PCDH15: variants seen among roughly 807,000 people sequenced by gnomAD.
PCDH15 encodes the protein protocadherin-15.
PCDH15 carries 129 observed loss-of-function variants against 178.5 expected under a neutral mutation model. That is an observed-to-expected ratio of 0.72 (90% CI 0.63 to 0.84). PCDH15 has a LOEUF of 0.84. PCDH15 is among the 40% of genes least tolerant of loss of function. PCDH15 has a pLI of 0.00. For missense variants in PCDH15, 2,230 were observed against 2,099.9 expected, an observed-to-expected ratio of 1.06 and a Z score of -1.21; for synonymous variants, 800 against 732.0, an observed-to-expected ratio of 1.09 and a Z score of -1.50.
At chr10:55,082,685 A>T (rs2132027298) in intron 2 of PCDH15, among the ~76,000 whole-genome samples, 1 of 151,848 alleles carries the variant, frequency 6.6e-6, no homozygotes, top group Admixed American at 6.6e-5. Flanking sequence ...AAAAGAGAGA[A>T]GACTCAAATA....
chr10:55,545,117 G>T (rs1841849680), intron 2 of PCDH15, among the ~76,000 whole-genome samples: 1 of 152,078 alleles, frequency 6.6e-6, no homozygotes, highest in African/African-American at 2.4e-5. Flanking sequence ...GGGGTCCAAG[G>T]AATCAAATGA....
chr10:54,714,916 T>C (rs980720378), intron 1 of PCDH15, among the ~76,000 whole-genome samples: 10 of 152,180 alleles, frequency 6.6e-5, no homozygotes, highest in Non-Finnish European at 1.3e-4. Context: ...TTTAACATCA[T>C]GTTGTGTGGT....
chr10:55,068,082 T>C (rs755124406), intron 2 of PCDH15, among the ~76,000 whole-genome samples: 1 of 152,132 alleles, frequency 6.6e-6, no homozygotes, highest in South Asian at 2.1e-4. Flanking sequence ...ATCTTTTTAC[T>C]GTAATGTAGT....
chr10:54,060,075 C>T (rs2093982020), intron 18 of PCDH15, among the ~76,000 whole-genome samples: 2 of 152,180 alleles, frequency 1.3e-5, no homozygotes. Context: ...AAATATCTTT[C>T]ATTTCCTTTA....
At chr10:54,136,397 CA>C (rs1364418342) in intron 14 of PCDH15, among the ~76,000 whole-genome samples, 8 of 135,420 alleles carry the variant, frequency 5.9e-5, no homozygotes, top group African/African-American at 2.2e-4. Context: ...CACTGTTTAA[CA>C]TTTTTTTTTT....
At chr10:55,431,710 T>G (rs749017248) in intron 2 of PCDH15, among the ~76,000 whole-genome samples, 3 of 152,188 alleles carry the variant, frequency 2.0e-5, no homozygotes. Flanking sequence ...GTTCATGTGT[T>G]TTCCAAAATT....
Position 54,020,362 on chromosome 10 carries a change from C to T in PCDH15, c.2581G>A (p.Val861Met), listed in dbSNP as rs142512524. ...GGATGTAGTGCAAAAAAGTGCTTCA[C>T]TTCTGGGCTTCTTATCCGGTAAGAC... ...NVSYRIRSPE[V>M]KHFFALHPFT... The change falls in exon 20 of 38, where the codon GTG (valine) becomes ATG (methionine). Residue 861 changes from valine to methionine, a missense_variant. By Grantham distance (21) the Val-to-Met change is conservative (BLOSUM62 1). Coordinates refer to ENST00000644397, the MANE Select transcript of PCDH15 (RefSeq NM_001384140.1). 1,386 of 1,613,858 alleles carry T rather than the reference C, an allele frequency of 8.6e-4. 2 individuals are homozygous for T. The highest frequency in any genetic ancestry group is 1.3e-3 in the Admixed American group (78 of 59,978).
intron 10 of PCDH15, 88 bp from the exon 11 acceptor site, chr10:54,195,977 C>A (rs2049587391): frequency 6.3e-6 from 7 of 1,114,758 alleles, no homozygotes; most frequent in Middle Eastern, 2.6e-4. Context: ...ATATAGGGTT[C>A]TCTTTTTAAC....
At chr10:55,179,779 G>A (rs577123988) in intron 1 of PCDH15, among the ~76,000 whole-genome samples, 21 of 151,892 alleles carry the variant, frequency 1.4e-4, no homozygotes, top group Non-Finnish European at 2.1e-4. Flanking sequence ...TTGCTGATCT[G>A]CAGGTGGCAG....
chr10:53,892,750 G>A (rs908358443), intron 26 of PCDH15, among the ~76,000 whole-genome samples: 5 of 152,044 alleles, frequency 3.3e-5, no homozygotes, highest in African/African-American at 1.2e-4. Flanking sequence ...TATTTGAAAC[G>A]GAATATCAAG....
At chr10:55,159,157 A>G (rs1047197367) in intron 2 of PCDH15, among the ~76,000 whole-genome samples, 2 of 151,892 alleles carry the variant, frequency 1.3e-5, no homozygotes, top group African/African-American at 4.8e-5. Context: ...CAAAGTCCTT[A>G]AAAGTTTTAC....
chr10:54,986,765 G>T (rs972322776), intron 2 of PCDH15, among the ~76,000 whole-genome samples: 1 of 152,002 alleles, frequency 6.6e-6, no homozygotes, highest in African/African-American at 2.4e-5. Context: ...CCTGTGTAAT[G>T]CATCATATTT....
chr10:54,570,831 T>TTTTC lies in PCDH15; in HGVS notation c.92-42955_92-42954insGAAA, dbSNP rs1289360301. ...CACGCCTGGCTATTTTTTTTTTTCT[T>TTTTC]TTTTTTTTGTATTTTTAGTAGAGAC... is the stretch of plus-strand genomic sequence containing the variant. On this transcript the variant is annotated intron_variant, in intron 2 of 37. Transcript: ENST00000644397. Among the ~76,000 whole-genome samples, 6 of 150,488 alleles carry TTTTC rather than the reference T, an allele frequency of 4.0e-5. No homozygotes were observed. In the South Asian group the frequency reaches 1.1e-3, roughly 26 times the overall value.
intron 2 of PCDH15, among the ~76,000 whole-genome samples, chr10:54,554,615 T>C (rs186651122): frequency 8.4e-4 from 128 of 152,168 alleles, no homozygotes; most frequent in African/African-American, 3.0e-3. Flanking sequence ...TCCATCTCAT[T>C]ATAAAAAGAG....
At chr10:55,307,630 C>G (rs149162709) in intron 1 of PCDH15, among the ~76,000 whole-genome samples, 17 of 151,478 alleles carry the variant, frequency 1.1e-4, no homozygotes, top group African/African-American at 3.9e-4. Flanking sequence ...CTCTCTCTGC[C>G]TCTCTATTTT....
At chr10:54,640,871 A>G (rs529028472) in intron 2 of PCDH15, among the ~76,000 whole-genome samples, 1 of 152,266 alleles carries the variant, frequency 6.6e-6, no homozygotes, top group African/African-American at 2.4e-5. Context: ...TGGGAGGCTG[A>G]GGTAGGTGGA....
At chr10:55,178,864 C>A (rs901340168) in intron 1 of PCDH15, among the ~76,000 whole-genome samples, 2 of 152,098 alleles carry the variant, frequency 1.3e-5, no homozygotes, top group African/African-American at 4.8e-5. Flanking sequence ...ATTATCTACT[C>A]CCCTAAACAG....
rs113874298 is a variant in PCDH15, at chr10:53,938,992, T to C, written c.3233-37A>G. 4.9e-4 allele frequency: 788 copies of C among 1,599,814 alleles called. No individual in the cohort carries two copies. The African/African-American group carries it at 9.1e-3, about 18-fold the overall frequency. ...AATACAATTACCTGGTCATTGTCTTTACGCTATAAGGAAAGAAATTCTCTT... is the reference window on the plus strand; with the variant it reads ...AATACAATTACCTGGTCATTGTCTTCACGCTATAAGGAAAGAAATTCTCTT... On this transcript the variant is annotated intron_variant, in intron 24 of 37. Coordinates refer to ENST00000644397, the MANE Select transcript of PCDH15 (RefSeq NM_001384140.1).
chr10:54,720,753 C>T (rs1941466984), intron 1 of PCDH15, among the ~76,000 whole-genome samples: 1 of 152,004 alleles, frequency 6.6e-6, no homozygotes, highest in African/African-American at 2.4e-5. Flanking sequence ...ACAAATACTA[C>T]TGGTCCTATG....
Sources: allele counts gnomAD v4.1 joint callset (sites outside exome capture counted in the v4.1 genomes callset), GRCh38; gene constraint gnomAD v4.1.1; transcripts MANE v1.5; gene names NCBI Gene and HGNC (gene_info 2026-07-23, HGNC 2026-07-21).